Variants in FREM2 observed in about 807,000 individuals in gnomAD.
FREM2 encodes FRAS1 related extracellular matrix 2, also known as FRAS1-related extracellular matrix protein 2.
In FREM2, 119 loss-of-function variants were observed where a neutral mutation model predicts 219.9. The observed-to-expected ratio is 0.54, with a 90% CI of 0.47 to 0.63. The LOEUF (loss-of-function observed/expected upper bound fraction) is 0.63, where lower values mean the gene tolerates loss of function less well. Ranked by LOEUF, FREM2 falls within the 30% of genes least tolerant of loss-of-function variation. The pLI, the probability that FREM2 is intolerant of heterozygous loss-of-function variation, is 0.00. For synonymous variants in FREM2, 1,562 were observed against 1,522.8 expected, an observed-to-expected ratio of 1.03 and a Z score of -0.60; for missense variants, 4,030 against 3,993.6, an observed-to-expected ratio of 1.01 and a Z score of -0.25.
At chr13:38,709,748 G>A (rs1414262103) in intron 2 of FREM2, among the ~76,000 whole-genome samples, 1 of 151,658 alleles carries the variant, frequency 6.6e-6, no homozygotes, top group Non-Finnish European at 1.5e-5. Context: ...TCCTAGGACC[G>A]TGATTTGACA....
At chr13:38,790,617 A>G (rs1157695815) in intron 6 of FREM2, among the ~76,000 whole-genome samples, 1 of 152,166 alleles carries the variant, frequency 6.6e-6, no homozygotes, top group Non-Finnish European at 1.5e-5. Flanking sequence ...ATCAGTTCTC[A>G]TGTCAGGAAT....
chr13:38,850,851 G>T (rs1344303416), intron 9 of FREM2, 93 bp from the exon 10 acceptor site: 7 of 1,436,148 alleles, frequency 4.9e-6, no homozygotes, highest in Non-Finnish European at 6.8e-6. Flanking sequence ...ATACAGCAGG[G>T]AAAATCAACA....
At chr13:38,738,637 G>A (rs1872105991) in intron 2 of FREM2, among the ~76,000 whole-genome samples, 1 of 150,418 alleles carries the variant, frequency 6.6e-6, no homozygotes, top group Admixed American at 6.6e-5. Context: ...GTTTAGAGAT[G>A]AGAAAAATGG....
Position 38,687,849 on chromosome 13 carries a change from G to T in FREM2, c.505G>T (p.Val169Leu). 6.4e-7 allele frequency: 1 copy of T among 1,564,478 alleles called. No individual in the cohort carries two copies. The highest frequency in any genetic ancestry group is 1.8e-5 in the Admixed American group (1 of 55,776). Residue 169 changes from valine to leucine, a missense_variant, in exon 1 of 24, where the codon GTA becomes TTA. Val to Leu is a conservative substitution (Grantham distance 32). Coordinates refer to ENST00000280481, the MANE Select transcript of FREM2 (RefSeq NM_207361.6). ...APGGAVVLPL[V>L]LEVEVVFTQL... The stretch of plus-strand genomic sequence containing the variant: ...CGGAGGGGCAGTAGTGCTACCACTG[G>T]TACTGGAGGTGGAGGTGGTCTTCAC...
At chr13:38,692,934 A>G (rs1869957168) in intron 1 of FREM2, among the ~76,000 whole-genome samples, 1 of 152,256 alleles carries the variant, frequency 6.6e-6, no homozygotes, top group South Asian at 2.1e-4. Flanking sequence ...CATTGCTGTC[A>G]TTATCAATTA....
rs965457325 is a variant in FREM2 at position 38,688,727 on chromosome 13, A to C, written c.1383A>C (p.Ala461=). Residue 461 remains alanine (A), a synonymous_variant, in exon 1 of 24, where the codon GCA becomes GCC. Coordinates refer to ENST00000280481, the MANE Select transcript of FREM2 (RefSeq NM_207361.6). The part of the protein sequence containing the change: ...EGQSRPLTGP[A]GSGPQNLVIS... Reference sequence around the variant, plus strand: ...AGTCTCGGCCCCTCACAGGCCCTGCAGGCAGTGGTCCGCAAAACTTGGTCA... The same window carrying C: ...AGTCTCGGCCCCTCACAGGCCCTGCCGGCAGTGGTCCGCAAAACTTGGTCA... 6.2e-7 allele frequency: 1 copy of C among 1,613,848 alleles called. No homozygotes were observed. Among genetic ancestry groups the C allele is most frequent in the Non-Finnish European group, 8.5e-7 (1 of 1,179,908 alleles).
chr13:38,687,244 G>A lies in FREM2; in HGVS notation c.-101G>A. 6.7e-7 allele frequency: 1 copy of A among 1,493,112 alleles called. No homozygotes were observed. Among genetic ancestry groups the A allele is most frequent in the South Asian group, 1.2e-5 (1 of 82,500 alleles). The allele number at this position is 1,493,112 out of a possible 1,614,324, so 92.5% of individuals were successfully genotyped here. ...TACAGGAGGACCCCGCGGGCAACGC[G>A]CGGAGTTCCTGGCACTTCCCGGCGG... On this transcript the variant is annotated 5_prime_UTR_variant, in exon 1 of 24. Coordinates refer to ENST00000280481, the MANE Select transcript of FREM2 (RefSeq NM_207361.6).
chr13:38,805,155 C>T (rs1318191405), intron 6 of FREM2, among the ~76,000 whole-genome samples: 5 of 150,366 alleles, frequency 3.3e-5, no homozygotes, highest in African/African-American at 1.2e-4. Context: ...ATAGGAAGCA[C>T]CTGGATGTTT....
intron 2 of FREM2, among the ~76,000 whole-genome samples, chr13:38,744,891 C>T (rs1008269700): frequency 3.7e-4 from 56 of 152,216 alleles, no homozygotes; most frequent in African/African-American, 1.3e-3. Context: ...AGTAATTTCA[C>T]TCACAGAGGT....
At chr13:38,837,860 C>T (rs1380321009) in intron 6 of FREM2, among the ~76,000 whole-genome samples, 1 of 151,590 alleles carries the variant, frequency 6.6e-6, no homozygotes, top group African/African-American at 2.4e-5. Context: ...TGTCTCTGCA[C>T]GTGAGATGGG....
chr13:38,761,089 G>C (rs2137805734), intron 2 of FREM2, among the ~76,000 whole-genome samples: 1 of 152,240 alleles, frequency 6.6e-6, no homozygotes, highest in South Asian at 2.1e-4. Flanking sequence ...AAAATTTAGA[G>C]GAATAGGGAT....
intron 3 of FREM2, among the ~76,000 whole-genome samples, chr13:38,766,090 T>A (rs1225108921): frequency 6.6e-6 from 1 of 152,178 alleles, no homozygotes; most frequent in Middle Eastern, 3.2e-3. Flanking sequence ...GTTTATCTAT[T>A]TTTTACCTGA....
rs569124416 is a variant in FREM2 at position 38,719,257 on chromosome 13, G to A, written c.5263+21470G>A. 3.9e-5 allele frequency among the ~76,000 whole-genome samples: 6 copies of A among 152,234 alleles called. No homozygotes were observed. The East Asian group carries it at 9.7e-4, about 24-fold the overall frequency. On this transcript the variant is annotated intron_variant, in intron 2 of 23. Coordinates refer to ENST00000280481, the MANE Select transcript of FREM2 (RefSeq NM_207361.6). ...TTTTTTGAGATGGAGTTTCGCTCTTGTTGCCCAGGCTGGAGTGCAGTGGCA... is the reference window on the plus strand; with the variant it reads ...TTTTTTGAGATGGAGTTTCGCTCTTATTGCCCAGGCTGGAGTGCAGTGGCA...
chr13:38,820,589 T>A (rs1876004351), intron 6 of FREM2, among the ~76,000 whole-genome samples: 1 of 152,028 alleles, frequency 6.6e-6, no homozygotes, highest in Admixed American at 6.6e-5. Flanking sequence ...TAAAAACCAA[T>A]AAAATACACA....
intron 6 of FREM2, among the ~76,000 whole-genome samples, chr13:38,799,706 AATAT>A (rs1345876489): frequency 6.6e-6 from 1 of 151,958 alleles, no homozygotes. Context: ...TCCCTTTATC[AATAT>A]ATAGTGACCT....
rs180738410 is a variant in FREM2 at position 38,885,982 on chromosome 13, T to G, written c.*5195T>G. 6.6e-6 allele frequency: 1 copy of G among 152,346 alleles called. No individual in the cohort carries two copies. The highest frequency in any genetic ancestry group is 2.4e-5 in the African/African-American group (1 of 41,584). 9.4% of individuals were successfully genotyped at this position (152,346 alleles called of 1,614,324 possible). ...ATTATAATTATCAAATGCACAATGTTCTTTTACTATGCCAAATGTTGCCTA... is the reference window on the plus strand; with the variant it reads ...ATTATAATTATCAAATGCACAATGTGCTTTTACTATGCCAAATGTTGCCTA... On this transcript the variant is annotated 3_prime_UTR_variant, in exon 24 of 24. Coordinates refer to ENST00000280481, the MANE Select transcript of FREM2 (RefSeq NM_207361.6).
chr13:38,845,722 A>C (rs1369785786), intron 6 of FREM2, among the ~76,000 whole-genome samples: 1 of 152,172 alleles, frequency 6.6e-6, no homozygotes, highest in Non-Finnish European at 1.5e-5. Flanking sequence ...CTGTTTTATC[A>C]TTGGTCAGCT....
intron 16 of FREM2, among the ~76,000 whole-genome samples, chr13:38,867,573 G>T (rs1428539739): frequency 6.6e-6 from 1 of 152,204 alleles, no homozygotes; most frequent in Non-Finnish European, 1.5e-5. Context: ...ATGAGAATTA[G>T]CTCACGAGAT....
chr13:38,772,895 C>G (rs1873725184), intron 4 of FREM2, among the ~76,000 whole-genome samples: 1 of 151,864 alleles, frequency 6.6e-6, no homozygotes. Flanking sequence ...CGGGGTTTCA[C>G]CACGTTGGCC....
Sources: allele counts gnomAD v4.1 joint callset (sites outside exome capture counted in the v4.1 genomes callset), GRCh38; gene constraint gnomAD v4.1.1; transcripts MANE v1.5; gene names NCBI Gene and HGNC (gene_info 2026-07-23, HGNC 2026-07-21).